The following TTC4 variants were observed in gnomAD, a reference collection of about 807,000 sequenced individuals.
The protein encoded by TTC4 is hsp70/Hsp90 co-chaperone CNS1 homolog.
Under a neutral mutation model 51.9 loss-of-function variants are expected in TTC4, and 36 were observed. The ratio of observed to expected loss-of-function variants is 0.69; its 90% CI spans 0.53 to 0.92. The LOEUF (loss-of-function observed/expected upper bound fraction) is 0.92. TTC4 is among the 40% of genes least tolerant of loss of function. TTC4 has a pLI of 0.00. For missense variants in TTC4, 399 were observed against 454.6 expected (o/e 0.88, Z 1.11); for synonymous variants, 144 against 164.2 (o/e 0.88, Z 0.94).
At chr1:54,741,239 G>A (rs1195494781) in intron 9 of TTC4, among the ~76,000 whole-genome samples, 172 bp from the exon 10 acceptor site, 1 of 152,242 alleles carries the variant, frequency 6.6e-6, no homozygotes, top group Non-Finnish European at 1.5e-5. Context: ...TTGTAAGGAT[G>A]AGAATGTCAT....
intron 5 of TTC4, among the ~76,000 whole-genome samples, chr1:54,725,549 G>GT (rs1337529636): frequency 6.6e-6 from 1 of 152,188 alleles, no homozygotes; most frequent in Non-Finnish European, 1.5e-5. Flanking sequence ...AACTGCTTGG[G>GT]TGAATGCTAA....
At chr1:54,729,486 G>C (rs1406842896) in intron 6 of TTC4, among the ~76,000 whole-genome samples, 2 of 152,054 alleles carry the variant, frequency 1.3e-5, no homozygotes, top group Admixed American at 1.3e-4. Flanking sequence ...GTTAGAGCCG[G>C]GTCCTTGCTC....
chr1:54,720,274 C>T (rs1645727593), intron 3 of TTC4, among the ~76,000 whole-genome samples: 1 of 152,036 alleles, frequency 6.6e-6, no homozygotes, highest in Non-Finnish European at 1.5e-5. Context: ...CCTGCAACAC[C>T]TAAAATATTT....
At chr1:54,726,954 G>A (rs1281532187) in intron 5 of TTC4, among the ~76,000 whole-genome samples, 4 of 149,662 alleles carry the variant, frequency 2.7e-5, no homozygotes. Context: ...AGTGCAATCT[G>A]TATCAAAAGT....
intron 9 of TTC4, among the ~76,000 whole-genome samples, chr1:54,739,649 G>T (rs1295909914): frequency 2.0e-5 from 3 of 152,184 alleles, no homozygotes; most frequent in Non-Finnish European, 4.4e-5. Flanking sequence ...ATTGACTCTT[G>T]GACTACTTTT....
intron 2 of TTC4, 37 bp downstream of exon 2, chr1:54,716,754 A>G: frequency 6.5e-7 from 1 of 1,539,284 alleles, no homozygotes; most frequent in Non-Finnish European, 8.9e-7. Flanking sequence ...TTGTGTTTCC[A>G]TTGAACTGAA....
chr1:54,722,879 T>C, intron 5 of TTC4, 80 bp downstream of exon 5: 2 of 1,558,474 alleles, frequency 1.3e-6, no homozygotes, highest in Non-Finnish European at 1.7e-6. Flanking sequence ...CTCAAGTCAT[T>C]GTAAACTTTT....
At chr1:54,727,165 A>G (rs1340593946) in intron 5 of TTC4, among the ~76,000 whole-genome samples, 1 of 152,182 alleles carries the variant, frequency 6.6e-6, no homozygotes, top group Non-Finnish European at 1.5e-5. Context: ...ATAGACATAT[A>G]GGTCAATGTA....
intron 3 of TTC4, 128 bp from the exon 4 acceptor site, chr1:54,721,035 C>CA (rs1645737785): frequency 9.5e-6 from 8 of 844,068 alleles, no homozygotes; most frequent in East Asian, 2.8e-5. Context: ...CATATTTTTT[C>CA]AAAAAAACAG....
intron 1 of TTC4, 76 bp downstream of exon 1, chr1:54,716,095 C>T (rs1358370757): frequency 8.6e-7 from 1 of 1,158,050 alleles, no homozygotes; most frequent in East Asian, 2.6e-5. Context: ...TCTGGGGCAC[C>T]TCCTTCAATC....
At position 54,717,593 on chromosome 1, in the gene TTC4, G is replaced by T; in HGVS notation, c.331G>T (p.Ala111Ser). ...CACTGAAGGCTTAAAGAAGAAATGT[G>T]CAGATCCTGATTTGAATGCTGTCCT... Reference protein sequence around the residue: ...SYTEGLKKKCADPDLNAVLYT... With the variant: ...SYTEGLKKKCSDPDLNAVLYT... Residue 111 changes from alanine (A) to serine (S), a missense_variant, in exon 3 of 10, where the codon GCA (alanine) becomes TCA (serine). Transcript: ENST00000371281. 6.2e-7 allele frequency: 1 copy of T among 1,612,168 alleles called. No individual in the cohort carries two copies. Among genetic ancestry groups the T allele is most frequent in the South Asian group, 1.1e-5 (1 of 90,480 alleles).
chr1:54,741,214 A>C (rs748250964), intron 9 of TTC4, among the ~76,000 whole-genome samples, 197 bp from the exon 10 acceptor site: 1 of 152,198 alleles, frequency 6.6e-6, no homozygotes, highest in Non-Finnish European at 1.5e-5. Flanking sequence ...GACTGGCCTA[A>C]AGGTTCTGGC....
chr1:54,741,446 T>C lies in TTC4; in HGVS notation c.1097T>C (p.Val366Ala). The change falls in exon 10 of 10, where the codon GTC becomes GCC. Residue 366 changes from valine to alanine, a missense_variant. Physicochemically the swap from Val to Ala is moderately conservative, Grantham distance 64. Transcript: ENST00000371281. Reference sequence around the variant, plus strand: ...AAAGCCCTGACACCAGCATTTTTGGTCTGTGTAGGATCCTCTCCTTTTTGC... The same window carrying C: ...AAAGCCCTGACACCAGCATTTTTGGCCTGTGTAGGATCCTCTCCTTTTTGC... ...FVKALTPAFL[V>A]CVGSSPFCKN... The C allele has an allele frequency of 6.2e-7, 1 of 1,614,166 alleles. No homozygotes were observed. The highest frequency in any genetic ancestry group is 8.5e-7 in the Non-Finnish European group (1 of 1,180,036).
chr1:54,728,407 A>AGC lies in TTC4; in HGVS notation c.656_657insGC (p.Asn219LysfsTer31). ...AAAGAAAAGAAGGAGAGGAATCAGA[A>AGC]TGAGGCTTTACTCCAGGCCATCAAG... On this transcript the variant is annotated frameshift_variant, in exon 6 of 10. Transcript: ENST00000371281. LOFTEE classifies it high-confidence loss of function. 1 of 1,613,022 alleles carries AGC rather than the reference A, an allele frequency of 6.2e-7. No homozygotes were observed. Among genetic ancestry groups the AGC allele is most frequent in the East Asian group, 2.2e-5 (1 of 44,836 alleles).
chr1:54,721,479 A>G (rs1016786748), intron 4 of TTC4, among the ~76,000 whole-genome samples: 1 of 152,204 alleles, frequency 6.6e-6, no homozygotes, highest in African/African-American at 2.4e-5. Flanking sequence ...AATTAAAACA[A>G]AGCAGTTGCA....
intron 5 of TTC4, among the ~76,000 whole-genome samples, chr1:54,726,379 A>G (rs1645799805): frequency 6.6e-6 from 1 of 152,218 alleles, no homozygotes; most frequent in Non-Finnish European, 1.5e-5. Flanking sequence ...AAAATGAAAG[A>G]GTGGAAGAGA....
At chr1:54,728,937 A>T (rs1340275630) in intron 6 of TTC4, among the ~76,000 whole-genome samples, 1 of 152,166 alleles carries the variant, frequency 6.6e-6, no homozygotes, top group Non-Finnish European at 1.5e-5. Context: ...GATCTTAGCA[A>T]CCTCAGCATA....
At position 54,716,714 on chromosome 1, in the gene TTC4, G is replaced by T. The variant is rs1645681222; in HGVS notation, c.226G>T (p.Glu76Ter). 2 of 1,609,496 alleles carry T rather than the reference G, an allele frequency of 1.2e-6. No homozygotes were observed. Among genetic ancestry groups the T allele is most frequent in the Non-Finnish European group, 1.7e-6 (2 of 1,177,876 alleles). Residue 76 changes from glutamate (E) to a stop codon, truncating the protein, a stop_gained, in exon 2 of 10, where the codon GAA becomes TAA. Coordinates refer to ENST00000371281, the MANE Select transcript of TTC4 (RefSeq NM_004623.5). LOFTEE classifies it high-confidence loss of function. ...TATTTTTGATGAGGAGCGTTCTCCA[G>T]AAGGTATCTTAACATGACTAATATT... Reference protein sequence around the residue: ...SIIFDEERSPEEQAKTYKDEG... With the variant: ...SIIFDEERSP
At position 54,736,241 on chromosome 1, in the gene TTC4, AGAGAGGAGAGAGGAGAGAGAGAGAGAGAG is replaced by A. The variant is rs1557753115; in HGVS notation, c.979-1340_979-1312del. ...GAGAGAGAAGAGGAGAGGAGAGAGA[AGAGAGGAGAGAGGAGAGAGAGAGAGAGAG>A]ACCATGAAGTCTCATTGGTATCTCC... On this transcript the variant is annotated intron_variant, in intron 8 of 9. Transcript: ENST00000371281. 3.8e-3 allele frequency among the ~76,000 whole-genome samples: 464 copies of A among 121,114 alleles called. 35 individuals are homozygous for A. The highest frequency in any genetic ancestry group is 0.018 in the African/African-American group (427 of 24,242). The allele number at this position is 121,114 out of a possible 152,430, so 79.5% of individuals were successfully genotyped here.
Sources: allele counts gnomAD v4.1 joint callset (sites outside exome capture counted in the v4.1 genomes callset), GRCh38; gene constraint gnomAD v4.1.1; transcripts MANE v1.5; gene names NCBI Gene and HGNC (gene_info 2026-07-23, HGNC 2026-07-21).